ADAMTS6: variants seen among roughly 807,000 people sequenced by gnomAD.
The protein encoded by ADAMTS6 is ADAM metallopeptidase with thrombospondin type 1 motif 6.
A neutral mutation model predicts 144.3 loss-of-function variants in ADAMTS6; 23 were observed. The observed-to-expected ratio is 0.16, with a 90% confidence interval of 0.11 to 0.23. The LOEUF (loss-of-function observed/expected upper bound fraction) is 0.23, where lower values mean the gene tolerates loss of function less well. ADAMTS6 is among the 10% of genes least tolerant of loss of function. The probability of loss-of-function intolerance (pLI) is 1.00; values close to 1 mark genes in which losing one functional copy is unlikely to be tolerated. For synonymous variants in ADAMTS6, 444 were observed against 457.5 expected (o/e 0.97, Z 0.38); for missense variants, 999 against 1,379.6 (o/e 0.72, Z 4.37).
chr5:65,160,399 C>T (rs1228384839), intron 24 of ADAMTS6, among the ~76,000 whole-genome samples: 9 of 151,710 alleles, frequency 5.9e-5, no homozygotes, highest in Admixed American at 2.0e-4. Flanking sequence ...CTCCGCCTCC[C>T]GGGTTCACGC....
chr5:65,303,766 G>A (rs1487591824), intron 9 of ADAMTS6, among the ~76,000 whole-genome samples: 1 of 151,974 alleles, frequency 6.6e-6, no homozygotes, highest in Non-Finnish European at 1.5e-5. Context: ...TTTGACTATA[G>A]AGCCAGTTCA....
Position 65,224,303 on chromosome 5 carries a change from A to C in ADAMTS6, c.2272+17T>G. On this transcript the variant is annotated intron_variant, in intron 18 of 24. Transcript: ENST00000381055. ...TACTTTTAAAATCCAGCAAACTAGC[A>C]TACCAGTCTAACATACCAATATAGT... is the stretch of plus-strand genomic sequence containing the variant. 2 of 1,607,592 alleles carry C rather than the reference A, an allele frequency of 1.2e-6. No individual in the cohort carries two copies. The highest frequency in any genetic ancestry group is 1.7e-6 in the Non-Finnish European group (2 of 1,174,154).
At chr5:65,375,590 T>C (rs1751449843) in intron 7 of ADAMTS6, among the ~76,000 whole-genome samples, 1 of 151,930 alleles carries the variant, frequency 6.6e-6, no homozygotes, top group Admixed American at 6.6e-5. Flanking sequence ...AGAATGGCAA[T>C]CATTAAAAAG....
At position 65,452,235 on chromosome 5, in the gene ADAMTS6, G is replaced by GA; in HGVS notation, c.844-20dup. ...TGGCAACCTGACCTCCAGAAAATAA[G>GA]AAAAGACACAAAGTCAGACAAAAAT... On this transcript the variant is annotated intron_variant, in intron 5 of 24. Coordinates refer to ENST00000381055, the MANE Select transcript of ADAMTS6 (RefSeq NM_197941.4). The GA allele has an allele frequency of 6.2e-7, 1 of 1,606,964 alleles. No homozygotes were observed. Among genetic ancestry groups the GA allele is most frequent in the South Asian group, 1.1e-5 (1 of 90,276 alleles).
intron 7 of ADAMTS6, among the ~76,000 whole-genome samples, chr5:65,382,858 G>C (rs1752156878): frequency 6.6e-6 from 1 of 152,152 alleles, no homozygotes; most frequent in South Asian, 2.1e-4. Context: ...CTTAAACAGG[G>C]TAATTTATAA....
At chr5:65,348,598 T>C (rs1051337445) in intron 7 of ADAMTS6, among the ~76,000 whole-genome samples, 6 of 152,090 alleles carry the variant, frequency 3.9e-5, no homozygotes, top group Non-Finnish European at 8.8e-5. Context: ...ATGGAGACTA[T>C]AGTTAAGAAT....
At chr5:65,403,204 G>A (rs1754091226) in intron 7 of ADAMTS6, among the ~76,000 whole-genome samples, 1 of 151,902 alleles carries the variant, frequency 6.6e-6, no homozygotes, top group South Asian at 2.1e-4. Context: ...TATCTAACTA[G>A]CTGCTTTTTC....
intron 16 of ADAMTS6, among the ~76,000 whole-genome samples, chr5:65,225,840 A>G (rs1757682250): frequency 6.6e-6 from 1 of 152,162 alleles, no homozygotes; most frequent in Non-Finnish European, 1.5e-5. Flanking sequence ...AATCCAAAAT[A>G]TTTTCATACT....
chr5:65,161,078 A>G (rs1752743408), intron 24 of ADAMTS6, among the ~76,000 whole-genome samples: 1 of 149,796 alleles, frequency 6.7e-6, no homozygotes, highest in Non-Finnish European at 1.5e-5. Context: ...TCACTCTGTC[A>G]CCCTGGCTGG....
intron 9 of ADAMTS6, among the ~76,000 whole-genome samples, chr5:65,302,175 T>G (rs1049869322): frequency 2.1e-5 from 3 of 144,794 alleles, no homozygotes; most frequent in African/African-American, 7.5e-5. Context: ...TATATGATAT[T>G]ATACATATAT....
At chr5:65,323,251 T>A (rs1288204478) in intron 9 of ADAMTS6, among the ~76,000 whole-genome samples, 1 of 142,974 alleles carries the variant, frequency 7.0e-6, no homozygotes, top group African/African-American at 2.6e-5. Flanking sequence ...TATCTCCTAA[T>A]GCTATCCCTC....
intron 7 of ADAMTS6, among the ~76,000 whole-genome samples, chr5:65,340,701 T>A (rs1160249964): frequency 6.6e-6 from 1 of 151,364 alleles, no homozygotes. Flanking sequence ...GGACCCAATA[T>A]AAATTGTCTG....
At chr5:65,388,902 A>G (rs1393302937) in intron 7 of ADAMTS6, among the ~76,000 whole-genome samples, 1 of 152,148 alleles carries the variant, frequency 6.6e-6, no homozygotes. Context: ...AAAAGTCACA[A>G]TGCTATAGAA....
In ADAMTS6 at chr5:65,291,537, C is replaced by A. The variant is rs577652610; in HGVS notation, c.1371-67G>T. ...GGCTATTTTAGTCACAATTATGAAA[C>A]CACGTGTTGAGCTTTGTTTTAATAA... is the stretch of plus-strand genomic sequence containing the variant. On this transcript the variant is annotated intron_variant, in intron 10 of 24. Transcript: ENST00000381055. 6 of 1,470,320 alleles carry A rather than the reference C, an allele frequency of 4.1e-6. No homozygotes were observed. The African/African-American group carries it at 7.1e-5, about 17-fold the overall frequency. The allele number at this position is 1,470,320 out of a possible 1,614,324, so 91.1% of individuals were successfully genotyped here.
At chr5:65,391,101 T>C (rs1041661755) in intron 7 of ADAMTS6, among the ~76,000 whole-genome samples, 6 of 152,004 alleles carry the variant, frequency 3.9e-5, no homozygotes, top group Non-Finnish European at 8.8e-5. Context: ...TTGCATTTTT[T>C]GTAGAGTCAG....
chr5:65,196,710 C>T (rs1044788381), intron 21 of ADAMTS6, among the ~76,000 whole-genome samples: 1 of 151,650 alleles, frequency 6.6e-6, no homozygotes, highest in South Asian at 2.1e-4. Flanking sequence ...AAGTTGAATC[C>T]TAATTTCAGA....
chr5:65,288,413 G>A (rs140393427), intron 11 of ADAMTS6, among the ~76,000 whole-genome samples: 63 of 151,368 alleles, frequency 4.2e-4, no homozygotes, highest in African/African-American at 1.4e-3. Flanking sequence ...TCCGCTTCCC[G>A]GGTTCAAGTG....
At chr5:65,407,696 C>G (rs1048264972) in intron 7 of ADAMTS6, among the ~76,000 whole-genome samples, 3 of 152,022 alleles carry the variant, frequency 2.0e-5, no homozygotes, top group African/African-American at 7.2e-5. Flanking sequence ...GCACAGTATT[C>G]CATGGTGTAT....
chr5:65,301,674 T>C (rs1192235064), intron 9 of ADAMTS6, among the ~76,000 whole-genome samples: 1 of 151,268 alleles, frequency 6.6e-6, no homozygotes, highest in Non-Finnish European at 1.5e-5. Flanking sequence ...TGAGAACTGA[T>C]ATTGGTCTGA....
Sources: allele counts gnomAD v4.1 joint callset (sites outside exome capture counted in the v4.1 genomes callset), GRCh38; gene constraint gnomAD v4.1.1; transcripts MANE v1.5; gene names NCBI Gene and HGNC (gene_info 2026-07-23, HGNC 2026-07-21).